The following RAD51B variants were observed in gnomAD, a reference collection of about 807,000 sequenced individuals.
RAD51B encodes DNA repair protein RAD51 homolog 2.
A neutral mutation model predicts 42.2 loss-of-function variants in RAD51B; 38 were observed. The observed-to-expected ratio is 0.90, with a 90% confidence interval of 0.70 to 1.18. The LOEUF (loss-of-function observed/expected upper bound fraction) is 1.18. Among genes scored for constraint, RAD51B ranks in the 50% most tolerant of loss-of-function variants. The pLI is 0.00. For synonymous variants in RAD51B, 154 were observed against 145.2 expected (o/e 1.06, Z -0.43); for missense variants, 373 against 400.7 (o/e 0.93, Z 0.59).
chr14:68,522,503 G>C (rs1024800708), intron 10 of RAD51B, among the ~76,000 whole-genome samples: 10 of 152,112 alleles, frequency 6.6e-5, no homozygotes, highest in African/African-American at 2.2e-4. Flanking sequence ...CCGCTGGAAG[G>C]CTCCATAATC....
At position 68,584,574 on chromosome 14, in the gene RAD51B, C is replaced by T. The variant is rs118006822; in HGVS notation, c.1037-9911C>T. Among the ~76,000 whole-genome samples the T allele has an allele frequency of 5.6e-3, 850 of 152,336 alleles. 5 individuals carry two copies. Among genetic ancestry groups the T allele is most frequent in the Middle Eastern group, 0.014 (4 of 294 alleles). ...CAGCCAGCTCACCTCTGCCACTGCG[C>T]TTCTTGCCTGCTCCCAACATCTGCT... On this transcript the variant is annotated intron_variant, in intron 10 of 10. Coordinates refer to the RAD51B transcript ENST00000487270.
At chr14:68,582,531 T>C (rs1890256596) in intron 10 of RAD51B, among the ~76,000 whole-genome samples, 1 of 152,064 alleles carries the variant, frequency 6.6e-6, no homozygotes, top group South Asian at 2.1e-4. Context: ...ACGGGAGAAA[T>C]AGGAATGCTT....
In RAD51B at chr14:68,413,531, G is replaced by A. The variant is rs1594801335; in HGVS notation, c.957+2004G>A. 2.0e-5 allele frequency among the ~76,000 whole-genome samples: 3 copies of A among 152,304 alleles called. No individual in the cohort carries two copies. The East Asian group carries it at 5.8e-4, about 29-fold the overall frequency. ...GGCCAGTGTTAAAATGGCCAACCCA[G>A]GCAAAGAACATACATTTAATTAATC... On this transcript the variant is annotated intron_variant, in intron 9 of 10. Coordinates refer to ENST00000471583, the MANE Select transcript of RAD51B (RefSeq NM_133510.4).
chr14:67,994,476 C>G (rs750468602), intron 7 of RAD51B, among the ~76,000 whole-genome samples: 6 of 151,910 alleles, frequency 3.9e-5, no homozygotes, highest in Non-Finnish European at 4.4e-5. Flanking sequence ...AAGAGTGTAC[C>G]CTTTTAACAG....
chr14:68,681,481 T>C (rs1231644466), intron 11 of RAD51B, among the ~76,000 whole-genome samples: 1 of 152,184 alleles, frequency 6.6e-6, no homozygotes, highest in Non-Finnish European at 1.5e-5. Context: ...GTGTTCACTT[T>C]GCTAAGACGG....
chr14:68,085,725 C>T (rs1366157117), intron 7 of RAD51B, among the ~76,000 whole-genome samples: 1 of 152,122 alleles, frequency 6.6e-6, no homozygotes, highest in Non-Finnish European at 1.5e-5. Flanking sequence ...GGAGGTCATA[C>T]TTTCATGCAT....
intron 10 of RAD51B, among the ~76,000 whole-genome samples, chr14:68,622,220 A>G (rs879862031): frequency 1.4e-4 from 21 of 152,106 alleles, no homozygotes; most frequent in Admixed American, 2.6e-4. Flanking sequence ...TTGGGATTAG[A>G]CCCTTCACAG....
intron 7 of RAD51B, among the ~76,000 whole-genome samples, chr14:68,215,030 T>C (rs1242280233): frequency 2.6e-5 from 4 of 152,238 alleles, no homozygotes; most frequent in African/African-American, 7.2e-5. Flanking sequence ...TTAGGACTTT[T>C]AGGATTTAGT....
chr14:68,360,993 G>A (rs1039545544), intron 8 of RAD51B, among the ~76,000 whole-genome samples: 2 of 152,200 alleles, frequency 1.3e-5, no homozygotes, highest in African/African-American at 4.8e-5. Context: ...GAAATGAAGG[G>A]TTTTAGGGAG....
chr14:67,859,334 A>G (rs2042091491), intron 4 of RAD51B, among the ~76,000 whole-genome samples: 1 of 152,252 alleles, frequency 6.6e-6, no homozygotes, highest in South Asian at 2.1e-4. Flanking sequence ...AATACTAATA[A>G]TGAGAGTGGA....
chr14:68,419,389 C>T (rs2084641503), intron 9 of RAD51B, among the ~76,000 whole-genome samples: 1 of 151,032 alleles, frequency 6.6e-6, no homozygotes, highest in East Asian at 1.9e-4. Flanking sequence ...TCTCTCATGA[C>T]TTTCAGTGGT....
At chr14:68,194,656 A>G (rs1319487451) in intron 7 of RAD51B, among the ~76,000 whole-genome samples, 2 of 152,250 alleles carry the variant, frequency 1.3e-5, no homozygotes, top group African/African-American at 4.8e-5. Flanking sequence ...AATCTGAGTA[A>G]TGTTTATAAC....
intron 4 of RAD51B, among the ~76,000 whole-genome samples, chr14:67,841,522 G>C (rs2140309527): frequency 6.6e-6 from 1 of 152,194 alleles, no homozygotes; most frequent in South Asian, 2.1e-4. Context: ...GATTTTCCTT[G>C]GTTTTCTTCT....
intron 11 of RAD51B, among the ~76,000 whole-genome samples, chr14:68,654,057 C>A (rs912630262): frequency 5.3e-5 from 8 of 152,312 alleles, no homozygotes; most frequent in Non-Finnish European, 1.0e-4. Context: ...TGATTGTTGG[C>A]ATGATGGCAT....
intron 7 of RAD51B, among the ~76,000 whole-genome samples, chr14:67,957,484 A>G (rs909935633): frequency 1.3e-5 from 2 of 152,220 alleles, no homozygotes; most frequent in African/African-American, 4.8e-5. Context: ...TGTGGATCCT[A>G]CAGTCAAAGG....
chr14:68,424,149 A>G (rs1392925081), intron 9 of RAD51B, among the ~76,000 whole-genome samples: 1 of 152,034 alleles, frequency 6.6e-6, no homozygotes, highest in Non-Finnish European at 1.5e-5. Flanking sequence ...TCCCATAGAT[A>G]CTTCCCTTCC....
chr14:68,292,953 C>T (rs1046589989), intron 8 of RAD51B, among the ~76,000 whole-genome samples: 2 of 152,180 alleles, frequency 1.3e-5, no homozygotes, highest in East Asian at 1.9e-4. Context: ...CCTGAATCAT[C>T]GAGCATTCCT....
chr14:68,111,145 CT>C (rs2077453102), intron 7 of RAD51B, among the ~76,000 whole-genome samples: 1 of 152,048 alleles, frequency 6.6e-6, no homozygotes, highest in South Asian at 2.1e-4. Flanking sequence ...ATCACTTCCA[CT>C]TGTATAATTC....
intron 10 of RAD51B, among the ~76,000 whole-genome samples, chr14:68,522,371 G>T (rs1342592486): frequency 6.6e-6 from 1 of 152,178 alleles, no homozygotes; most frequent in African/African-American, 2.4e-5. Flanking sequence ...CCAGGATGAG[G>T]TTGAAGGCAC....
Sources: allele counts gnomAD v4.1 joint callset (sites outside exome capture counted in the v4.1 genomes callset), GRCh38; gene constraint gnomAD v4.1.1; transcripts MANE v1.5; gene names NCBI Gene and HGNC (gene_info 2026-07-23, HGNC 2026-07-21).